MX2: variants seen among roughly 807,000 people sequenced by gnomAD.
MX2 encodes MX dynamin like GTPase 2, also known as interferon-induced GTP-binding protein Mx2.
MX2 carries 51 observed loss-of-function variants against 74.0 expected under a neutral mutation model. The observed-to-expected ratio is 0.69, with a 90% CI of 0.55 to 0.87. The LOEUF is 0.87. Among genes scored for constraint, MX2 ranks in the 40% least tolerant of loss-of-function variants. The pLI, the probability that MX2 is intolerant of heterozygous loss-of-function variation, is 0.00. For missense variants in MX2, 832 were observed against 908.7 expected, an observed-to-expected ratio of 0.92 and a Z score of 1.09; for synonymous variants, 369 against 339.3, an observed-to-expected ratio of 1.09 and a Z score of -0.96.
chr21:41,394,999 G>C (rs1189494804), intron 6 of MX2, among the ~76,000 whole-genome samples: 2 of 151,552 alleles, frequency 1.3e-5, no homozygotes, highest in African/African-American at 4.9e-5. Context: ...AGGAAGGAAG[G>C]AAGGAAAGAA....
intron 5 of MX2, among the ~76,000 whole-genome samples, chr21:41,386,192 C>A (rs2089571252): frequency 8.0e-6 from 1 of 125,070 alleles, no homozygotes; most frequent in Non-Finnish European, 1.6e-5. Context: ...TGCACTACAG[C>A]CTGGGCAACA....
intron 9 of MX2, 51 bp from the exon 10 acceptor site, chr21:41,399,145 A>C (rs929005778): frequency 6.2e-7 from 1 of 1,604,580 alleles, no homozygotes; most frequent in South Asian, 1.1e-5. Context: ...CGCCGGTCCC[A>C]GTTCTTTCAT....
rs371632332 is a variant in MX2 at position 41,407,012 on chromosome 21, G to A, written c.1905+14G>A. On this transcript the variant is annotated intron_variant, in intron 13 of 13. Coordinates refer to ENST00000330714, the MANE Select transcript of MX2 (RefSeq NM_002463.2). ...GCCTACTTCTTGGTGAGTTCCCGGCGGGGCAGGAGCCGTGCTCTCTGAAAT... is the reference window on the plus strand; with the variant it reads ...GCCTACTTCTTGGTGAGTTCCCGGCAGGGCAGGAGCCGTGCTCTCTGAAAT... 1.7e-5 allele frequency: 28 copies of A among 1,607,684 alleles called. No individual in the cohort carries two copies. The highest frequency in any genetic ancestry group is 5.4e-5 in the African/African-American group (4 of 74,714).
At chr21:41,397,136 G>T (rs392399) in intron 7 of MX2, among the ~76,000 whole-genome samples, 94,926 of 152,140 alleles carry the variant, frequency 0.62, 34,921 homozygotes, top group Non-Finnish European at 0.83. Context: ...CTGCAGCCAC[G>T]CTGCCTGCTG....
In MX2 at chr21:41,387,828, A is replaced by C. The variant is rs2089602111; in HGVS notation, c.733-2737A>C. ...ACTCAGTGGGTCCAAGCAACACCCG[A>C]TCTTCCCCCCAGTATCTGCTGGCCC... is the stretch of plus-strand genomic sequence containing the variant. On this transcript the variant is annotated intron_variant, in intron 5 of 13. Coordinates refer to ENST00000330714, the MANE Select transcript of MX2 (RefSeq NM_002463.2). Among the ~76,000 whole-genome samples, 3 of 152,198 alleles carry C rather than the reference A, an allele frequency of 2.0e-5. No homozygotes were observed. In the South Asian group the frequency reaches 6.2e-4, roughly 32 times the overall value.
rs1410928138 is a variant in MX2 at position 41,378,302 on chromosome 21, ACTGGGAGAGACAGGCCG to A, written c.442+338_442+354del. Among the ~76,000 whole-genome samples, 65 of 125,364 alleles carry A rather than the reference ACTGGGAGAGACAGGCCG, an allele frequency of 5.2e-4. 1 individual carries two copies. The highest frequency in any genetic ancestry group is 8.6e-4 in the Non-Finnish European group (56 of 65,408). 82.2% of individuals were successfully genotyped at this position (125,364 alleles called of 152,430 possible). A position where few individuals can be genotyped will look rare whatever the true frequency, so the allele number is the denominator to read the frequency against. On this transcript the variant is annotated intron_variant, in intron 3 of 13. Transcript: ENST00000330714. ...GACAGGCTGCTGGGAGAGACAGATC[ACTGGGAGAGACAGGCCG>A]CTGGGAGAGACAGGCCACTGGGAGG...
At chr21:41,394,678 C>T (rs1568944943) in intron 6 of MX2, among the ~76,000 whole-genome samples, 1 of 152,156 alleles carries the variant, frequency 6.6e-6, no homozygotes, top group Non-Finnish European at 1.5e-5. Context: ...CACGGTGGCT[C>T]ATGCCTGTAA....
At chr21:41,400,237 G>A (rs187024344) in intron 10 of MX2, among the ~76,000 whole-genome samples, 76 of 152,290 alleles carry the variant, frequency 5.0e-4, no homozygotes, top group African/African-American at 1.2e-3. Context: ...ACATGAAATC[G>A]TTTACCATCT....
rs75170006 is a variant in MX2, at chr21:41,368,369, C to A, written c.-72+6314C>A. ...TGTGCAGGGGAGACAGATGGTTCAC[C>A]AGGCACACACCAGACAACCCGAAAC... On this transcript the variant is annotated intron_variant, in intron 1 of 13. Transcript: ENST00000330714. The surrounding 1 kb of genome is among the most constrained non-coding windows in gnomAD (Gnocchi z 4.6). Among the ~76,000 whole-genome samples, 301 of 152,288 alleles carry A rather than the reference C, an allele frequency of 2.0e-3. No individual in the cohort carries two copies. The highest frequency in any genetic ancestry group is 6.9e-3 in the African/African-American group (287 of 41,554).
chr21:41,390,413 C>A, intron 5 of MX2, 152 bp from the exon 6 acceptor site: 2 of 1,101,378 alleles, frequency 1.8e-6, no homozygotes, highest in Non-Finnish European at 2.7e-6. Flanking sequence ...CCGGGGCAGG[C>A]ATTCCCAGGA....
Position 41,398,907 on chromosome 21 carries a change from C to A in MX2, c.1160C>A (p.Pro387Gln). ...AATTGTTTTGTTTAGAAATCGCTCC[C>A]GTTGTTAGAAGGACAAATAAGGGAG... ...ELIMHIQKSL[P>Q]LLEGQIRESH... Residue 387 changes from proline to glutamine, a missense_variant, in exon 9 of 14, where the codon CCG becomes CAG. By Grantham distance (76) the Pro-to-Gln change is moderately conservative (BLOSUM62 -1). Transcript: ENST00000330714. 1.9e-6 allele frequency: 3 copies of A among 1,612,990 alleles called. No homozygotes were observed. The highest frequency in any genetic ancestry group is 1.7e-6 in the Non-Finnish European group (2 of 1,179,282).
chr21:41,390,600 G>A lies in MX2; in HGVS notation c.768G>A (p.Gln256=), dbSNP rs771574164. The change falls in exon 6 of 14, where the codon CAG becomes CAA. Residue 256 remains glutamine, a synonymous_variant. Transcript: ENST00000330714. ...KALIKKYIQR[Q]QTINLVVVPC... ...TCATCAAGAAGTACATCCAGAGGCA[G>A]CAGACGATCAACTTGGTGGTGGTTC... 14 of 1,614,106 alleles carry A rather than the reference G, an allele frequency of 8.7e-6. No homozygotes were observed. In the East Asian group the frequency reaches 3.1e-4, roughly 36 times the overall value.
rs753394459 is a variant in MX2, at chr21:41,380,323, T to C, written c.577+172T>C. Among the ~76,000 whole-genome samples the C allele has an allele frequency of 2.6e-5, 4 of 152,056 alleles. No individual in the cohort carries two copies. Among genetic ancestry groups the C allele is most frequent in the Admixed American group, 2.0e-4 (3 of 15,272 alleles). On this transcript the variant is annotated intron_variant, in intron 4 of 13. Coordinates refer to ENST00000330714, the MANE Select transcript of MX2 (RefSeq NM_002463.2). The surrounding 1 kb of genome is among the most constrained non-coding windows in gnomAD (Gnocchi z 4.3). ...CACCTCCACCATCCCTCCAGGTCCT[T>C]GTCCAGGTCCCCTCTCATCGAGTCA... is the stretch of plus-strand genomic sequence containing the variant.
In MX2 at chr21:41,363,146, A is replaced by G. The variant is rs893362019; in HGVS notation, c.-72+1091A>G. ...TTTAAAAAGATCAGGATTCCAAGCTATCTTTCCTCGCACCCTCTCCTCCGT... is the reference window on the plus strand; with the variant it reads ...TTTAAAAAGATCAGGATTCCAAGCTGTCTTTCCTCGCACCCTCTCCTCCGT... On this transcript the variant is annotated intron_variant, in intron 1 of 13. Coordinates refer to ENST00000330714, the MANE Select transcript of MX2 (RefSeq NM_002463.2). The surrounding 1 kb of genome is among the most constrained non-coding windows in gnomAD (Gnocchi z 4.2). The G allele has an allele frequency of 4.6e-5, 7 of 152,200 alleles. No homozygotes were observed. Among genetic ancestry groups the G allele is most frequent in the African/African-American group, 1.7e-4 (7 of 41,430 alleles). The allele number at this position is 152,200 out of a possible 1,614,324, so 9.4% of individuals were successfully genotyped here. A position where few individuals can be genotyped will look rare whatever the true frequency, so the allele number is the denominator to read the frequency against.
chr21:41,384,056 A>T (rs939575951), intron 5 of MX2, among the ~76,000 whole-genome samples: 7 of 152,114 alleles, frequency 4.6e-5, no homozygotes, highest in Non-Finnish European at 7.4e-5. Context: ...GGGAGTTCTC[A>T]TGAGAGCTGG....
intron 2 of MX2, among the ~76,000 whole-genome samples, chr21:41,377,525 C>T (rs2089422301): frequency 6.6e-6 from 1 of 152,182 alleles, no homozygotes; most frequent in South Asian, 2.1e-4. Flanking sequence ...GGAACTTCTT[C>T]CTGGCTCAGT....
rs5844075 is a variant in MX2, at chr21:41,409,236, TAC to T, written c.*1025_*1026del. On this transcript the variant is annotated 3_prime_UTR_variant, in exon 14 of 14. Transcript: ENST00000330714. ...GTGAGAGTGAGACTCTGTCTCTGAA[TAC>T]ACACACACACACACACACACATACA... The T allele has an allele frequency of 0.84, 126,893 of 150,452 alleles. 53,528 individuals are homozygous for T. Among genetic ancestry groups the T allele is most frequent in the Middle Eastern group, 0.91 (265 of 290 alleles). 9.3% of individuals were successfully genotyped at this position (150,452 alleles called of 1,614,324 possible).
chr21:41,385,585 G>T (rs1299873730), intron 5 of MX2, among the ~76,000 whole-genome samples: 3 of 152,120 alleles, frequency 2.0e-5, no homozygotes, highest in Non-Finnish European at 4.4e-5. Flanking sequence ...CTCTTTTTCT[G>T]TACAAATTTC....
In MX2 at chr21:41,408,651, T is replaced by A. The variant is rs1006201514; in HGVS notation, c.*418T>A. On this transcript the variant is annotated 3_prime_UTR_variant, in exon 14 of 14. Coordinates refer to ENST00000330714, the MANE Select transcript of MX2 (RefSeq NM_002463.2). ...CATTGTAACTGCTTAATAAATGACA[T>A]CTCACTGAACGAATGAGTGCTGTGT... The A allele has an allele frequency of 5.8e-6, 1 of 170,952 alleles. No homozygotes were observed. Among genetic ancestry groups the A allele is most frequent in the African/African-American group, 2.4e-5 (1 of 41,892 alleles). 10.6% of individuals were successfully genotyped at this position (170,952 alleles called of 1,614,324 possible). A position where few individuals can be genotyped will look rare whatever the true frequency, so the allele number is the denominator to read the frequency against.
Sources: allele counts gnomAD v4.1 joint callset (sites outside exome capture counted in the v4.1 genomes callset), GRCh38; gene constraint gnomAD v4.1.1; non-coding constraint Gnocchi (gnomAD v3.1); transcripts MANE v1.5; gene names NCBI Gene and HGNC (gene_info 2026-07-23, HGNC 2026-07-21).